The following PHC2 variants were observed in gnomAD, a reference collection of about 807,000 sequenced individuals.
The protein encoded by PHC2 is polyhomeotic-like protein 2.
In PHC2, 29 loss-of-function variants were observed where a neutral mutation model predicts 87.4. The ratio of observed to expected loss-of-function variants is 0.33; its 90% CI spans 0.25 to 0.45. The LOEUF (loss-of-function observed/expected upper bound fraction) is 0.45. Ranked by LOEUF, PHC2 falls within the 20% of genes least tolerant of loss-of-function variation. The pLI is 1.00. For missense variants in PHC2, 857 were observed against 1,136.7 expected (o/e 0.75, Z 3.54); for synonymous variants, 438 against 461.7 (o/e 0.95, Z 0.66).
chr1:33,423,008 T>C (rs1456008546), intron 1 of PHC2, among the ~76,000 whole-genome samples: 1 of 152,010 alleles, frequency 6.6e-6, no homozygotes, highest in Admixed American at 6.6e-5. Context: ...ACTGTGATTC[T>C]CCCCCACTAT....
chr1:33,349,825 G>A lies in PHC2; in HGVS notation c.1558+4576C>T. 1.0e-6 allele frequency: 1 copy of A among 976,406 alleles called. No individual in the cohort carries two copies. Among genetic ancestry groups the A allele is most frequent in the Non-Finnish European group, 1.2e-6 (1 of 824,612 alleles). The allele number at this position is 976,406 out of a possible 1,614,324, so 60.5% of individuals were successfully genotyped here. A position where few individuals can be genotyped will look rare whatever the true frequency, so the allele number is the denominator to read the frequency against. ...ACGGGGGCGCGAGGCCGGGGCGGGA[G>A]CGCGGGCGGCGGCCGGGGTTGCGCG... On this transcript the variant is annotated intron_variant, in intron 9 of 14. Transcript: ENST00000683057. This position sits in a 1 kb window ranked among gnomAD's most constrained non-coding sequence, Gnocchi z 4.2.
At position 33,325,026 on chromosome 1, in the gene PHC2, G is replaced by A; in HGVS notation, c.2426-7C>T. 6.2e-7 allele frequency: 1 copy of A among 1,607,030 alleles called. No individual in the cohort carries two copies. Among genetic ancestry groups the A allele is most frequent in the Non-Finnish European group, 8.5e-7 (1 of 1,175,386 alleles). ...TCTGCTATCTCCTGGCAGCCTGAGG[G>A]GGTACCACCAAAGACAGTGTCAATC... is the stretch of plus-strand genomic sequence containing the variant. On this transcript the variant is annotated splice_polypyrimidine_tract_variant and splice_region_variant and intron_variant, in intron 14 of 14. Coordinates refer to ENST00000683057, the MANE Select transcript of PHC2 (RefSeq NM_001385109.1).
At chr1:33,424,397 T>C (rs10914707) in intron 1 of PHC2, among the ~76,000 whole-genome samples, 28,652 of 152,158 alleles carry the variant, frequency 0.19, 2,848 homozygotes, top group South Asian at 0.25. Flanking sequence ...ATTGCTTCTG[T>C]GGGCCTGTAA....
intron 1 of PHC2, among the ~76,000 whole-genome samples, chr1:33,412,270 G>A (rs1216839928): frequency 6.6e-6 from 1 of 152,156 alleles, no homozygotes; most frequent in African/African-American, 2.4e-5. Flanking sequence ...TAAGTAACTC[G>A]ACCAGGGTTA....
At chr1:33,404,827 A>G (rs954645595) in intron 1 of PHC2, among the ~76,000 whole-genome samples, 16 of 152,214 alleles carry the variant, frequency 1.1e-4, no homozygotes, top group African/African-American at 3.9e-4. Context: ...GCTCTCTTAG[A>G]TTGAGTGGTC....
intron 1 of PHC2, among the ~76,000 whole-genome samples, chr1:33,430,074 G>C (rs541464884): frequency 1.0e-3 from 155 of 152,268 alleles, no homozygotes; most frequent in Non-Finnish European, 1.8e-3. Flanking sequence ...CAGTCTTAGT[G>C]AATTGGGGGA....
At chr1:33,397,934 C>T (rs1649361417) in intron 1 of PHC2, among the ~76,000 whole-genome samples, 2 of 152,026 alleles carry the variant, frequency 1.3e-5, no homozygotes, top group South Asian at 2.1e-4. Flanking sequence ...TGCTTTTCAC[C>T]GTATACTCTT....
At chr1:33,346,565 C>G (rs1646848439) in intron 9 of PHC2, 6 of 985,098 alleles carry the variant, frequency 6.1e-6, no homozygotes, top group Non-Finnish European at 7.2e-6. Context: ...TAGACTGACT[C>G]AAGAAGAGGG....
chr1:33,346,416 A>C (rs1646845631), intron 9 of PHC2: 1 of 985,292 alleles, frequency 1.0e-6, no homozygotes, highest in Non-Finnish European at 1.2e-6. Context: ...AGAAACTATC[A>C]ATTATGAAGA....
At chr1:33,329,898 A>G (rs868025648) in intron 13 of PHC2, among the ~76,000 whole-genome samples, 173 bp downstream of exon 13, 1 of 152,320 alleles carries the variant, frequency 6.6e-6, no homozygotes, top group Middle Eastern at 3.4e-3. Context: ...CATGGGTCTA[A>G]ATGAAGGGAC....
chr1:33,372,976 G>C (rs974884358), intron 2 of PHC2, among the ~76,000 whole-genome samples: 5 of 152,232 alleles, frequency 3.3e-5, no homozygotes, highest in Admixed American at 1.3e-4. Flanking sequence ...CCTCCTTCTT[G>C]AGGCTGGGGC....
At chr1:33,390,313 A>C (rs915390857) in intron 1 of PHC2, among the ~76,000 whole-genome samples, 6 of 152,238 alleles carry the variant, frequency 3.9e-5, no homozygotes, top group African/African-American at 1.4e-4. Context: ...CATTTTCAAT[A>C]CTAATCTTGT....
chr1:33,334,290 T>A lies in PHC2; in HGVS notation c.1561A>T (p.Thr521Ser). ...PNIQPSPAHE[T>S]GQGIVHALTD... ...AGTGCATGAACAATGCCCTGCCCTG[T>A]CTCTGCACGAGAGAGAGTAGGAAAA... is the stretch of plus-strand genomic sequence containing the variant. Residue 521 changes from threonine to serine, a missense_variant and splice_region_variant, in exon 10 of 15, where the codon ACA becomes TCA. Physicochemically the swap from Thr to Ser is moderately conservative, Grantham distance 58. This residue lies in a region of PHC2 where 832 missense variants were observed against 1,081.8 expected (regional missense o/e 0.77). Coordinates refer to ENST00000683057, the MANE Select transcript of PHC2 (RefSeq NM_001385109.1). This position sits in a 1 kb window ranked among gnomAD's most constrained non-coding sequence, Gnocchi z 5.5. 7 of 1,612,548 alleles carry A rather than the reference T, an allele frequency of 4.3e-6. No individual in the cohort carries two copies. Among genetic ancestry groups the A allele is most frequent in the Non-Finnish European group, 5.9e-6 (7 of 1,179,292 alleles).
chr1:33,325,134 C>T (rs1211614838), intron 14 of PHC2, 115 bp from the exon 15 acceptor site: 10 of 1,040,806 alleles, frequency 9.6e-6, no homozygotes, highest in Middle Eastern at 2.1e-4. Context: ...TCTTTTAGTC[C>T]TCATAACCAC....
chr1:33,369,556 T>C lies in PHC2; in HGVS notation c.576+865A>G, dbSNP rs1040254588. Among the ~76,000 whole-genome samples the C allele has an allele frequency of 6.6e-6, 1 of 152,098 alleles. No individual in the cohort carries two copies. The highest frequency in any genetic ancestry group is 1.5e-5 in the Non-Finnish European group (1 of 68,026). The stretch of plus-strand genomic sequence containing the variant: ...TGTCTAAGAGGCTGTTCCCTGGGGA[T>C]AGAGATGCGCCTCAAATGATGAACT... On this transcript the variant is annotated intron_variant, in intron 5 of 14. Transcript: ENST00000683057. This position sits in a 1 kb window ranked among gnomAD's most constrained non-coding sequence, Gnocchi z 4.7.
chr1:33,337,356 G>A (rs1284577876), intron 9 of PHC2, among the ~76,000 whole-genome samples: 7 of 152,118 alleles, frequency 4.6e-5, no homozygotes, highest in South Asian at 4.1e-4. Flanking sequence ...CTTATATAAC[G>A]AGCCCAAAAT....
intron 7 of PHC2, among the ~76,000 whole-genome samples, chr1:33,362,228 C>A (rs970432374): frequency 6.6e-6 from 1 of 152,216 alleles, no homozygotes; most frequent in African/African-American, 2.4e-5. Context: ...TGCCTTTGCT[C>A]AATGCCTATT....
At chr1:33,386,165 T>C (rs1403568474) in intron 1 of PHC2, among the ~76,000 whole-genome samples, 11 of 151,978 alleles carry the variant, frequency 7.2e-5, no homozygotes, top group Non-Finnish European at 1.0e-4. Context: ...AGGGTATGCA[T>C]TTTGGGGATT....
In PHC2 at chr1:33,334,092, G is replaced by C; in HGVS notation, c.1759C>G (p.Pro587Ala). 1 of 1,602,382 alleles carries C rather than the reference G, an allele frequency of 6.2e-7. No individual in the cohort carries two copies. The highest frequency in any genetic ancestry group is 8.5e-7 in the Non-Finnish European group (1 of 1,176,112). ...FVIQEGAEPF[P>A]VGRSSLLVGN... ...AGGGGAAAAGAAGTAGTCCGTACCG[G>C]GAAAGGCTCCGCCCCCTCCTGGATC... Residue 587 changes from proline to alanine, a missense_variant and splice_region_variant, in exon 10 of 15, where the codon CCG (proline) becomes GCG (alanine). Physicochemically the swap from Pro to Ala is conservative, Grantham distance 27. Transcript: ENST00000683057. This position sits in a 1 kb window ranked among gnomAD's most constrained non-coding sequence, Gnocchi z 5.5.
Sources: allele counts gnomAD v4.1 joint callset (sites outside exome capture counted in the v4.1 genomes callset), GRCh38; gene constraint gnomAD v4.1.1; regional missense constraint gnomAD v4.1.1; non-coding constraint Gnocchi (gnomAD v3.1); transcripts MANE v1.5; gene names NCBI Gene and HGNC (gene_info 2026-07-23, HGNC 2026-07-21).